The following GSTA5 variants were observed in gnomAD, a reference collection of about 807,000 sequenced individuals.
GSTA5 encodes glutathione S-transferase alpha 5, also known as glutathione S-transferase A5.
Under a neutral mutation model 21.8 loss-of-function variants are expected in GSTA5, and 25 were observed. The ratio of observed to expected loss-of-function variants is 1.14; its 90% CI spans 0.83 to 1.60. The LOEUF (loss-of-function observed/expected upper bound fraction) is 1.60. Ranked by LOEUF, GSTA5 falls within the 40% of genes most tolerant of loss-of-function variation. The pLI is 0.00. For missense variants in GSTA5, 330 were observed against 259.2 expected (o/e 1.27, Z -1.88); for synonymous variants, 102 against 89.5 (o/e 1.14, Z -0.78).
intron 1 of GSTA5, among the ~76,000 whole-genome samples, chr6:52,839,357 C>G (rs1324627037): frequency 6.6e-6 from 1 of 152,138 alleles, no homozygotes; most frequent in African/African-American, 2.4e-5. Context: ...TACCCGGGCT[C>G]TGAACACATC....
upstream of GSTA5, among the ~76,000 whole-genome samples, chr6:52,843,995 A>T (rs1343810724): frequency 6.8e-6 from 1 of 146,270 alleles, no homozygotes; most frequent in Non-Finnish European, 1.5e-5. Context: ...AGTCAACACA[A>T]AATGAGAACC....
At chr6:52,840,747 G>T in exon 1 of GSTA5, 1 of 1,614,104 alleles carries the variant, frequency 6.2e-7, no homozygotes, top group Non-Finnish European at 8.5e-7. Flanking sequence ...GCTGCAGCCA[G>T]GAGCCACCGA....
At chr6:52,831,969 G>C in exon 6 of GSTA5, 1 of 1,612,174 alleles carries the variant, frequency 6.2e-7, no homozygotes, top group South Asian at 1.1e-5. Flanking sequence ...GGTTTTCAGG[G>C]CCTGTAATCC....
exon 6 of GSTA5, chr6:52,831,759 A>T: frequency 6.8e-7 from 1 of 1,465,402 alleles, no homozygotes; most frequent in Non-Finnish European, 9.3e-7. Context: ...GCTTTACAAG[A>T]GGCACAATCC....
upstream of GSTA5, among the ~76,000 whole-genome samples, chr6:52,841,944 T>A (rs544907354): frequency 4.2e-4 from 64 of 152,314 alleles, no homozygotes; most frequent in African/African-American, 1.5e-3. Context: ...TAAAATAAAA[T>A]AGAAAAGAAT....
upstream of GSTA5, among the ~76,000 whole-genome samples, chr6:52,842,631 C>T (rs1214743748): frequency 1.3e-5 from 2 of 152,110 alleles, no homozygotes; most frequent in African/African-American, 2.4e-5. Context: ...TCTCAAACAC[C>T]TGACCTCAGG....
upstream of GSTA5, among the ~76,000 whole-genome samples, chr6:52,841,343 G>A (rs575673138): frequency 4.6e-5 from 7 of 152,170 alleles, no homozygotes; most frequent in South Asian, 2.1e-4. Flanking sequence ...ATGAAGTCAC[G>A]CCTGGAAGAC....
the GSTA5 span, chr6:52,846,063 G>T: frequency 6.3e-6 from 1 of 157,716 alleles, no homozygotes; most frequent in Non-Finnish European, 1.4e-5. Context: ...TACTTAGTTT[G>T]TTAAACTCTG....
chr6:52,834,273 C>T (rs775966246), exon 4 of GSTA5: 34 of 1,607,930 alleles, frequency 2.1e-5, no homozygotes, highest in Admixed American at 6.8e-5. Context: ...CTTCTGTGTA[C>T]ATATCAATCC....
At chr6:52,838,893 T>C (rs1233052975) in intron 1 of GSTA5, among the ~76,000 whole-genome samples, 2 of 152,240 alleles carry the variant, frequency 1.3e-5, no homozygotes, top group Admixed American at 1.3e-4. Flanking sequence ...AAATGCATGA[T>C]ACAGGGCCTG....
At chr6:52,838,356 T>C (rs1248157428) in intron 1 of GSTA5, among the ~76,000 whole-genome samples, 1 of 152,254 alleles carries the variant, frequency 6.6e-6, no homozygotes, top group East Asian at 1.9e-4. Flanking sequence ...ATGGGTATAC[T>C]TACGGCACCT....
chr6:52,843,586 G>T (rs777423127), upstream of GSTA5, among the ~76,000 whole-genome samples: 1 of 152,196 alleles, frequency 6.6e-6, no homozygotes, highest in Non-Finnish European at 1.5e-5. Flanking sequence ...AAATGTGGGA[G>T]TCAATAGTTT....
chr6:52,832,517 C>G (rs888206903), intron 5 of GSTA5, among the ~76,000 whole-genome samples: 1 of 151,970 alleles, frequency 6.6e-6, no homozygotes, highest in Non-Finnish European at 1.5e-5. Flanking sequence ...CAATTCAATG[C>G]GGGAAGACAA....
upstream of GSTA5, among the ~76,000 whole-genome samples, chr6:52,844,824 C>T (rs1173773222): frequency 2.6e-5 from 4 of 152,182 alleles, no homozygotes; most frequent in Non-Finnish European, 5.9e-5. Flanking sequence ...AGTCTCTGGA[C>T]ACATTGAGTA....
the GSTA5 span, chr6:52,845,959 G>C: frequency 6.5e-6 from 1 of 153,806 alleles, no homozygotes; most frequent in South Asian, 2.1e-4. Flanking sequence ...AGTAAAAACA[G>C]ACTTTTCCTT....
chr6:52,841,567 G>T (rs181205038), upstream of GSTA5, among the ~76,000 whole-genome samples: 1 of 152,346 alleles, frequency 6.6e-6, no homozygotes, highest in African/African-American at 2.4e-5. Flanking sequence ...GCTTCTTTTG[G>T]TGTTCTATAT....
chr6:52,840,883 A>C, upstream of GSTA5: 1 of 1,405,822 alleles, frequency 7.1e-7, no homozygotes, highest in Admixed American at 1.9e-5. Context: ...TAGAATCAAA[A>C]ATGTACTTTA....
At chr6:52,837,572 T>C (rs1331712732) in exon 2 of GSTA5, 2 of 1,607,326 alleles carry the variant, frequency 1.2e-6, no homozygotes, top group Non-Finnish European at 1.7e-6. Context: ...TCTTAACTTG[T>C]CCAAATCTTC....
chr6:52,836,012 G>A (rs575823981), intron 3 of GSTA5, among the ~76,000 whole-genome samples: 2 of 152,236 alleles, frequency 1.3e-5, no homozygotes, highest in Admixed American at 1.3e-4. Context: ...CAGGTTGCAG[G>A]ATCCATGGAC....
Sources: allele counts gnomAD v4.1 joint callset (sites outside exome capture counted in the v4.1 genomes callset), GRCh38; gene constraint gnomAD v4.1.1; transcripts MANE v1.5; gene names NCBI Gene and HGNC (gene_info 2026-07-23, HGNC 2026-07-21).